IPP: variants seen among roughly 807,000 people sequenced by gnomAD.
IPP encodes actin-binding protein IPP.
Under a neutral mutation model 64.1 loss-of-function variants are expected in IPP, and 41 were observed. The observed-to-expected ratio is 0.64, with a 90% CI of 0.50 to 0.83. The LOEUF (loss-of-function observed/expected upper bound fraction) is 0.83, where lower values mean the gene tolerates loss of function less well. Ranked by LOEUF, IPP falls within the 40% of genes least tolerant of loss-of-function variation. The pLI, the probability that IPP is intolerant of heterozygous loss-of-function variation, is 0.00. For synonymous variants in IPP, 214 were observed against 235.2 expected, an observed-to-expected ratio of 0.91 and a Z score of 0.83; for missense variants, 649 against 703.0, an observed-to-expected ratio of 0.92 and a Z score of 0.87.
downstream of IPP, among the ~76,000 whole-genome samples, chr1:45,696,004 TC>T (rs1257489106): frequency 6.6e-6 from 1 of 152,196 alleles, no homozygotes; most frequent in Non-Finnish European, 1.5e-5. Flanking sequence ...CCACTCAGTC[TC>T]AATCTGATTC....
At chr1:45,708,905 G>A (rs1645551497) in intron 8 of IPP, among the ~76,000 whole-genome samples, 1 of 149,466 alleles carries the variant, frequency 6.7e-6, no homozygotes, top group African/African-American at 2.5e-5. Flanking sequence ...GTGGTGGTGG[G>A]TACCTGTAAT....
intron 6 of IPP, 92 bp downstream of exon 6, chr1:45,719,111 A>G (rs1260282936): frequency 8.1e-7 from 1 of 1,228,512 alleles, no homozygotes; most frequent in Non-Finnish European, 1.2e-6. Context: ...CATGTGCCCC[A>G]TAAATATATA....
intron 5 of IPP, among the ~76,000 whole-genome samples, chr1:45,722,343 G>A (rs1322988856): frequency 6.6e-6 from 1 of 151,778 alleles, no homozygotes; most frequent in Non-Finnish European, 1.5e-5. Flanking sequence ...CTGAGTTCAG[G>A]AGTTCGAGAC....
downstream of IPP, among the ~76,000 whole-genome samples, chr1:45,697,584 A>G (rs61784796): frequency 0.29 from 43,586 of 152,068 alleles, 6,380 homozygotes; most frequent in South Asian, 0.37. Flanking sequence ...AGTGCTACCT[A>G]ATTCATTAAT....
intron 5 of IPP, among the ~76,000 whole-genome samples, chr1:45,724,693 C>T (rs1424521692): frequency 6.6e-6 from 1 of 151,160 alleles, no homozygotes. Flanking sequence ...AGGTGAGGAG[C>T]GTCTCTGCCC....
At chr1:45,743,876 G>A (rs2148584079) in intron 2 of IPP, among the ~76,000 whole-genome samples, 1 of 151,970 alleles carries the variant, frequency 6.6e-6, no homozygotes, top group African/African-American at 2.4e-5. Flanking sequence ...AATTAGCTGG[G>A]CATGTTAGTG....
At chr1:45,728,140 G>A (rs1645857501) in intron 4 of IPP, among the ~76,000 whole-genome samples, 1 of 149,678 alleles carries the variant, frequency 6.7e-6, no homozygotes, top group African/African-American at 2.5e-5. Flanking sequence ...GTGTGTGTGT[G>A]TGTGTGTGTG....
chr1:45,701,200 A>C (rs1645445606), intron 8 of IPP, among the ~76,000 whole-genome samples: 1 of 152,278 alleles, frequency 6.6e-6, no homozygotes, highest in African/African-American at 2.4e-5. Flanking sequence ...CTTTTACACA[A>C]AAAGTTTGCT....
At chr1:45,738,865 A>AAAG (rs1646018971) in intron 3 of IPP, among the ~76,000 whole-genome samples, 1 of 149,676 alleles carries the variant, frequency 6.7e-6, no homozygotes, top group Non-Finnish European at 1.5e-5. Context: ...AAAAAAAAAA[A>AAAG]CAAGAAAAAA....
intron 1 of IPP, among the ~76,000 whole-genome samples, chr1:45,749,123 T>TCAA (rs1557765652): frequency 2.0e-5 from 3 of 152,168 alleles, no homozygotes; most frequent in Non-Finnish European, 4.4e-5. Flanking sequence ...CCTAGTGGTT[T>TCAA]AATTACAAGG....
At chr1:45,749,502 T>TTG (rs1570068336) in intron 1 of IPP, among the ~76,000 whole-genome samples, 2 of 149,144 alleles carry the variant, frequency 1.3e-5, no homozygotes, top group East Asian at 2.0e-4. Context: ...TTGTTTTTTT[T>TTG]TTTTGTTTTG....
At chr1:45,713,772 T>G (rs1645622178) in intron 8 of IPP, among the ~76,000 whole-genome samples, 2 of 152,166 alleles carry the variant, frequency 1.3e-5, no homozygotes, top group Non-Finnish European at 2.9e-5. Flanking sequence ...CTGTTCACGC[T>G]GGTCTTGAAC....
At chr1:45,740,815 CA>C in intron 3 of IPP, 85 bp downstream of exon 3, 1 of 848,662 alleles carries the variant, frequency 1.2e-6, no homozygotes, top group Non-Finnish European at 1.8e-6. Flanking sequence ...GTTACTGAAC[CA>C]AAAAATGAAA....
In IPP at chr1:45,699,933, A is replaced by G; in HGVS notation, c.*33T>C. On this transcript the variant is annotated 3_prime_UTR_variant, in exon 9 of 9. Coordinates refer to ENST00000396478, the MANE Select transcript of IPP (RefSeq NM_005897.3). ...CAAAAGGTCAGGTCCTGCATTTTCA[A>G]AATGTTCCTTGTGCTCTGTTATGCT... 1 of 1,605,186 alleles carries G rather than the reference A, an allele frequency of 6.2e-7. No individual in the cohort carries two copies. Among genetic ancestry groups the G allele is most frequent in the Non-Finnish European group, 8.5e-7 (1 of 1,173,794 alleles).
chr1:45,726,231 G>C (rs1466395747), intron 5 of IPP, among the ~76,000 whole-genome samples: 1 of 151,222 alleles, frequency 6.6e-6, no homozygotes, highest in Non-Finnish European at 1.5e-5. Flanking sequence ...GGCTGAGGCG[G>C]ATGGATCACC....
chr1:45,707,565 T>G (rs1270287030), intron 8 of IPP, among the ~76,000 whole-genome samples: 1 of 151,356 alleles, frequency 6.6e-6, no homozygotes, highest in Non-Finnish European at 1.5e-5. Context: ...ATACAATATC[T>G]AAAATGAAAA....
chr1:45,708,926 T>C (rs1488461622), intron 8 of IPP, among the ~76,000 whole-genome samples: 3 of 138,224 alleles, frequency 2.2e-5, no homozygotes, highest in African/African-American at 8.3e-5. Flanking sequence ...CTCAGCTACT[T>C]GGGAGGCTGA....
intron 8 of IPP, among the ~76,000 whole-genome samples, chr1:45,709,846 G>A (rs866222473): frequency 7.8e-4 from 30 of 38,460 alleles, no homozygotes; most frequent in East Asian, 2.4e-3. Flanking sequence ...AAAAAAAAAA[G>A]AGAGAAGCTC....
intron 2 of IPP, among the ~76,000 whole-genome samples, chr1:45,741,782 CTG>C (rs1646070409): frequency 7.9e-6 from 1 of 126,990 alleles, no homozygotes; most frequent in Non-Finnish European, 1.7e-5. Context: ...GCGCCCGCCA[CTG>C]CGCCCGGCTA....
Sources: allele counts gnomAD v4.1 joint callset (sites outside exome capture counted in the v4.1 genomes callset), GRCh38; gene constraint gnomAD v4.1.1; transcripts MANE v1.5; gene names NCBI Gene and HGNC (gene_info 2026-07-23, HGNC 2026-07-21).